Variants in WDR75 observed in about 807,000 individuals in gnomAD.
WDR75 encodes the protein WD repeat-containing protein 75.
WDR75 carries 52 observed loss-of-function variants against 106.1 expected under a neutral mutation model. The observed-to-expected ratio is 0.49, with a 90% CI of 0.39 to 0.62. The LOEUF is 0.62. Ranked by LOEUF, WDR75 falls within the 20% of genes least tolerant of loss-of-function variation. The pLI is 0.00. For missense variants in WDR75, 905 were observed against 970.3 expected, an observed-to-expected ratio of 0.93 and a Z score of 0.89; for synonymous variants, 333 against 335.5, an observed-to-expected ratio of 0.99 and a Z score of 0.08.
At chr2:189,474,833 T>G (rs1687181201) in intron 20 of WDR75, 25 bp downstream of exon 20, 2 of 1,569,770 alleles carry the variant, frequency 1.3e-6, no homozygotes, top group African/African-American at 2.7e-5. Flanking sequence ...AAGACAGGTT[T>G]GGACACTCTC....
At chr2:189,470,284 T>A (rs766693997) in intron 17 of WDR75, 39 bp downstream of exon 17, 23 of 1,584,810 alleles carry the variant, frequency 1.5e-5, no homozygotes, top group Non-Finnish European at 8.6e-7. Flanking sequence ...ACTTTGTACA[T>A]GGAATTTTAG....
At chr2:189,457,255 A>G (rs1686758867) in intron 5 of WDR75, 56 bp from the exon 6 acceptor site, 2 of 1,289,794 alleles carry the variant, frequency 1.6e-6, no homozygotes, top group African/African-American at 1.5e-5. Context: ...AAAAAAAGAA[A>G]AAAAAAAGAG....
intron 12 of WDR75, among the ~76,000 whole-genome samples, chr2:189,466,179 A>G (rs757146520): frequency 6.6e-6 from 1 of 152,130 alleles, no homozygotes; most frequent in Non-Finnish European, 1.5e-5. Context: ...TTTTGTACCA[A>G]TGTACTAGTG....
chr2:189,445,575 A>T (rs560395166), intron 1 of WDR75, among the ~76,000 whole-genome samples: 1 of 152,196 alleles, frequency 6.6e-6, no homozygotes, highest in East Asian at 1.9e-4. Flanking sequence ...AGATATGACA[A>T]CTAAGGTGGT....
intron 17 of WDR75, 51 bp from the exon 18 acceptor site, chr2:189,470,768 A>C: frequency 7.0e-7 from 1 of 1,435,704 alleles, no homozygotes; most frequent in Non-Finnish European, 9.4e-7. Flanking sequence ...CACCTTGTTT[A>C]GATTTGCACT....
chr2:189,451,717 A>G, intron 3 of WDR75, 88 bp from the exon 4 acceptor site: 1 of 1,192,386 alleles, frequency 8.4e-7, no homozygotes, highest in Non-Finnish European at 1.2e-6. Flanking sequence ...AGCAATGAGC[A>G]AAATACATAA....
intron 1 of WDR75, among the ~76,000 whole-genome samples, chr2:189,445,259 G>A (rs1457921045): frequency 2.0e-5 from 3 of 152,158 alleles, no homozygotes; most frequent in East Asian, 1.9e-4. Context: ...GCTGACATTC[G>A]AATCCATTTG....
intron 11 of WDR75, among the ~76,000 whole-genome samples, chr2:189,464,466 T>C (rs971195887): frequency 1.3e-5 from 2 of 152,004 alleles, no homozygotes; most frequent in African/African-American, 4.8e-5. Context: ...ACACTAGCTC[T>C]TTCTCACCGT....
At chr2:189,453,864 A>G (rs1686678231) in intron 4 of WDR75, among the ~76,000 whole-genome samples, 1 of 152,212 alleles carries the variant, frequency 6.6e-6, no homozygotes. Context: ...TAGAAAATTG[A>G]ATAAATCATG....
At chr2:189,447,106 C>T (rs537546874) in intron 1 of WDR75, among the ~76,000 whole-genome samples, 3 of 152,274 alleles carry the variant, frequency 2.0e-5, no homozygotes, top group East Asian at 3.9e-4. Flanking sequence ...TTAATATTTT[C>T]AGATTGATCT....
intron 6 of WDR75, among the ~76,000 whole-genome samples, chr2:189,458,102 T>C (rs1686778241): frequency 6.6e-6 from 1 of 152,072 alleles, no homozygotes; most frequent in Non-Finnish European, 1.5e-5. Flanking sequence ...TTTGTATTTT[T>C]AGTAGAGACG....
chr2:189,454,706 G>A (rs888081658), intron 4 of WDR75, among the ~76,000 whole-genome samples: 9 of 151,700 alleles, frequency 5.9e-5, no homozygotes, highest in African/African-American at 2.2e-4. Context: ...TATTTTTTTA[G>A]TAGAGACAGG....
intron 1 of WDR75, among the ~76,000 whole-genome samples, chr2:189,441,956 C>T (rs1020079028): frequency 1.3e-5 from 2 of 152,152 alleles, no homozygotes; most frequent in South Asian, 4.1e-4. Context: ...TAAAACTATT[C>T]CGCTTTTTCT....
intron 15 of WDR75, among the ~76,000 whole-genome samples, chr2:189,469,065 G>A (rs150013901): frequency 6.6e-6 from 1 of 152,148 alleles, no homozygotes; most frequent in African/African-American, 2.4e-5. Flanking sequence ...GTTAACTCTG[G>A]TTAACATACT....
At chr2:189,462,456 C>T in intron 8 of WDR75, 28 bp from the exon 9 acceptor site, 1 of 1,597,266 alleles carries the variant, frequency 6.3e-7, no homozygotes, top group East Asian at 2.2e-5. Context: ...AAACACCATC[C>T]TTTTAATTTC....
chr2:189,458,451 A>C (rs2351933), intron 6 of WDR75, among the ~76,000 whole-genome samples: 122,003 of 151,966 alleles, frequency 0.8, 50,446 homozygotes, highest in Non-Finnish European at 0.91. Flanking sequence ...ACAAGCTTTG[A>C]CCAGGCCAAA....
chr2:189,458,991 T>C (rs1322350341), intron 7 of WDR75, 119 bp downstream of exon 7: 6 of 1,235,358 alleles, frequency 4.9e-6, no homozygotes, highest in South Asian at 4.1e-5. Flanking sequence ...TGTGTGCTTT[T>C]CATTTCATAC....
chr2:189,460,044 A>T (rs1439334276), intron 8 of WDR75, among the ~76,000 whole-genome samples: 1 of 152,250 alleles, frequency 6.6e-6, no homozygotes, highest in African/African-American at 2.4e-5. Flanking sequence ...GCGAGTAAAA[A>T]TACCTTTAAA....
At chr2:189,453,176 G>A (rs1341272110) in intron 4 of WDR75, among the ~76,000 whole-genome samples, 2 of 152,202 alleles carry the variant, frequency 1.3e-5, no homozygotes, top group South Asian at 2.1e-4. Context: ...TTCAAACATA[G>A]CACTCTTTTT....
Sources: allele counts gnomAD v4.1 joint callset (sites outside exome capture counted in the v4.1 genomes callset), GRCh38; gene constraint gnomAD v4.1.1; transcripts MANE v1.5; gene names NCBI Gene and HGNC (gene_info 2026-07-23, HGNC 2026-07-21).